The following NFATC2 variants were observed in gnomAD, a reference collection of about 807,000 sequenced individuals.
NFATC2 encodes the protein nuclear factor of activated T-cells, cytoplasmic 2.
In NFATC2, 22 loss-of-function variants were observed where a neutral mutation model predicts 87.3. The observed-to-expected ratio is 0.25, with a 90% CI of 0.18 to 0.36. The LOEUF is 0.36. Among genes scored for constraint, NFATC2 ranks in the 10% least tolerant of loss-of-function variants. NFATC2 has a pLI of 1.00. For synonymous variants in NFATC2, 565 were observed against 542.2 expected (o/e 1.04, Z -0.58); for missense variants, 1,149 against 1,259.1 (o/e 0.91, Z 1.32).
Position 51,417,853 on chromosome 20 carries a change from C to A in NFATC2, c.2722+14214G>T, listed in dbSNP as rs117249065. 9.5e-3 allele frequency among the ~76,000 whole-genome samples: 1,443 copies of A among 152,212 alleles called. 58 individuals carry two copies. In the East Asian group the frequency reaches 0.12, roughly 13 times the overall value. ...CCAAAAAAGCAAATGCTCAGCAACA[C>A]GCCCCCTGAGCAGTTCCCGAGGCAG... On this transcript the variant is annotated intron_variant, in intron 9 of 10. Transcript: ENST00000371564.
chr20:51,498,340 A>T (rs2076023394), intron 3 of NFATC2, among the ~76,000 whole-genome samples: 1 of 152,210 alleles, frequency 6.6e-6, no homozygotes, highest in South Asian at 2.1e-4. Flanking sequence ...AGATAGATGA[A>T]GTACCTACTA....
chr20:51,399,109 T>C (rs141421637), intron 9 of NFATC2: 152 of 183,970 alleles, frequency 8.3e-4, no homozygotes, highest in African/African-American at 3.2e-3. Context: ...TCATTAAAGA[T>C]CTACTCAACT....
chr20:51,561,334 AAAAAGAAAGAAAGAGAGAGAAAG>A (rs1425253639), intron 1 of NFATC2, among the ~76,000 whole-genome samples: 10 of 134,242 alleles, frequency 7.4e-5, no homozygotes, highest in African/African-American at 3.0e-4. Flanking sequence ...TAAAAAAAAA[AAAAAGAAAGAAAGAGAGAGAAAG>A]AAAAGAAAGA....
intron 3 of NFATC2, among the ~76,000 whole-genome samples, chr20:51,478,396 G>A (rs116722355): frequency 0.01 from 1,551 of 152,324 alleles, 29 homozygotes; most frequent in African/African-American, 0.036. Context: ...AGTGAGCCCT[G>A]ATGATGTGGA....
intron 10 of NFATC2, 96 bp from the exon 11 acceptor site, chr20:51,391,547 G>T: frequency 1.5e-6 from 2 of 1,307,182 alleles, no homozygotes; most frequent in Non-Finnish European, 1.1e-6. Context: ...ACCTCTATTG[G>T]GCTATTGATT....
chr20:51,546,417 A>G (rs1315124289), upstream of NFATC2, among the ~76,000 whole-genome samples: 1 of 152,184 alleles, frequency 6.6e-6, no homozygotes, highest in African/African-American at 2.4e-5. Flanking sequence ...GCTCTTAGGA[A>G]CAAGGTCCAG....
chr20:51,418,447 C>T (rs1239929396), intron 9 of NFATC2, among the ~76,000 whole-genome samples: 1 of 152,168 alleles, frequency 6.6e-6, no homozygotes, highest in Non-Finnish European at 1.5e-5. Flanking sequence ...CACAGGATAG[C>T]CCCTCACAAC....
chr20:51,464,875 G>A (rs1028490176), intron 5 of NFATC2, among the ~76,000 whole-genome samples: 2 of 152,234 alleles, frequency 1.3e-5, no homozygotes, highest in Admixed American at 1.3e-4. Flanking sequence ...GATGGCCACA[G>A]GCAAGCTCAC....
At chr20:51,544,640 A>C (rs1341781967), upstream of NFATC2, among the ~76,000 whole-genome samples, 1 of 152,208 alleles carries the variant, frequency 6.6e-6, no homozygotes, top group Non-Finnish European at 1.5e-5. Flanking sequence ...GGGGTTTTCA[A>C]AATTGCACTC....
intron 6 of NFATC2, among the ~76,000 whole-genome samples, chr20:51,448,101 A>G (rs1423172497): frequency 6.6e-6 from 1 of 152,252 alleles, no homozygotes; most frequent in Non-Finnish European, 1.5e-5. Context: ...GCAAACGCTG[A>G]GACTCTGCTG....
Position 51,474,046 on chromosome 20 carries a change from C to G in NFATC2, c.1642G>C (p.Val548Leu), listed in dbSNP as rs752840255. 1.9e-6 allele frequency: 3 copies of G among 1,614,242 alleles called. No homozygotes were observed. The South Asian group carries it at 3.3e-5, about 18-fold the overall frequency. The change falls in exon 5 of 11, where the codon GTT becomes CTT. Residue 548 changes from valine to leucine, a missense_variant. By Grantham distance (32) the Val-to-Leu change is conservative. Coordinates refer to ENST00000371564, the MANE Select transcript of NFATC2 (RefSeq NM_012340.5). The stretch of plus-strand genomic sequence containing the variant: ...CTGCCACTGGACTCTGGGATGTGAA[C>G]TCGGAAAACCAGTCTCACCCGCGTG... ...KNTRVRLVFR[V>L]HIPESSGRIV...
intron 1 of NFATC2, among the ~76,000 whole-genome samples, chr20:51,525,497 G>A (rs780357021): frequency 4.6e-5 from 7 of 151,940 alleles, no homozygotes; most frequent in Non-Finnish European, 1.0e-4. Flanking sequence ...GGGCTGCTTG[G>A]GAAATTCCCA....
chr20:51,543,696 C>A (rs1425053726), upstream of NFATC2, among the ~76,000 whole-genome samples: 1 of 152,150 alleles, frequency 6.6e-6, no homozygotes, highest in Non-Finnish European at 1.5e-5. Flanking sequence ...TGAATACAGA[C>A]TCGTGAATGT....
chr20:51,497,184 G>T (rs1366131172), intron 3 of NFATC2, among the ~76,000 whole-genome samples: 2 of 152,144 alleles, frequency 1.3e-5, no homozygotes, highest in Non-Finnish European at 2.9e-5. Flanking sequence ...ACCAAACCAG[G>T]CACCCTCCGA....
chr20:51,447,310 A>G (rs1568989803), intron 6 of NFATC2, among the ~76,000 whole-genome samples: 1 of 152,194 alleles, frequency 6.6e-6, no homozygotes, highest in Non-Finnish European at 1.5e-5. Flanking sequence ...AAAATCGTCC[A>G]GCAAAACAAA....
chr20:51,397,312 T>A (rs966623303), intron 10 of NFATC2, among the ~76,000 whole-genome samples: 8 of 152,214 alleles, frequency 5.3e-5, no homozygotes, highest in African/African-American at 1.9e-4. Flanking sequence ...CTGGCCGTAC[T>A]TGAGTGAGGC....
intron 3 of NFATC2, among the ~76,000 whole-genome samples, chr20:51,499,597 C>G (rs2076046409): frequency 6.6e-6 from 1 of 151,874 alleles, no homozygotes; most frequent in African/African-American, 2.4e-5. Flanking sequence ...ACCAAAAATA[C>G]AAAAATTAGC....
At chr20:51,425,683 T>G (rs6021197) in intron 9 of NFATC2, among the ~76,000 whole-genome samples, 45,263 of 152,198 alleles carry the variant, frequency 0.3, 8,021 homozygotes, top group African/African-American at 0.5. Context: ...CCTGAACTGC[T>G]GAACAAAGCA....
chr20:51,491,882 A>G (rs2075894709), intron 3 of NFATC2, among the ~76,000 whole-genome samples: 1 of 76,224 alleles, frequency 1.3e-5, no homozygotes, highest in Non-Finnish European at 2.5e-5. Flanking sequence ...ACACATACAC[A>G]CACACACACA....
Sources: allele counts gnomAD v4.1 joint callset (sites outside exome capture counted in the v4.1 genomes callset), GRCh38; gene constraint gnomAD v4.1.1; transcripts MANE v1.5; gene names NCBI Gene and HGNC (gene_info 2026-07-23, HGNC 2026-07-21).